ULK4: variants seen among roughly 807,000 people sequenced by gnomAD.
ULK4 encodes inactive serine/threonine-protein kinase ULK4.
ULK4 carries 133 observed loss-of-function variants against 160.6 expected under a neutral mutation model. The ratio of observed to expected loss-of-function variants is 0.83; its 90% CI spans 0.72 to 0.96. ULK4 has a LOEUF of 0.96. ULK4 is among the 40% of genes least tolerant of loss of function. The probability of loss-of-function intolerance (pLI) is 0.00; values close to 1 mark genes in which losing one functional copy is unlikely to be tolerated. For synonymous variants in ULK4, 534 were observed against 539.8 expected, an observed-to-expected ratio of 0.99 and a Z score of 0.15; for missense variants, 1,580 against 1,499.5, an observed-to-expected ratio of 1.05 and a Z score of -0.89.
At chr3:41,940,115 G>A (rs909258511) in intron 2 of ULK4, among the ~76,000 whole-genome samples, 1 of 151,762 alleles carries the variant, frequency 6.6e-6, no homozygotes, top group Non-Finnish European at 1.5e-5. Flanking sequence ...TCCTTCCTCA[G>A]GAAAGGACCC....
At chr3:41,823,767 G>T (rs1160815230) in intron 18 of ULK4, among the ~76,000 whole-genome samples, 1 of 152,130 alleles carries the variant, frequency 6.6e-6, no homozygotes, top group Non-Finnish European at 1.5e-5. Context: ...TAGACTCAGG[G>T]ACTTAACTTC....
intron 21 of ULK4, among the ~76,000 whole-genome samples, chr3:41,765,428 G>A (rs1238247532): frequency 6.6e-6 from 1 of 152,034 alleles, no homozygotes; most frequent in Admixed American, 6.6e-5. Flanking sequence ...GAGTGGGGAG[G>A]GATAGCATTA....
intron 35 of ULK4, among the ~76,000 whole-genome samples, chr3:41,310,834 A>C (rs1412944096): frequency 6.6e-6 from 1 of 151,974 alleles, no homozygotes; most frequent in African/African-American, 2.4e-5. Context: ...CTCTAGAAAA[A>C]ATTTAAAAAT....
intron 32 of ULK4, among the ~76,000 whole-genome samples, chr3:41,528,933 T>C (rs1352631777): frequency 6.6e-6 from 1 of 152,196 alleles, no homozygotes; most frequent in Non-Finnish European, 1.5e-5. Context: ...CCGTGACACA[T>C]GTCTGCCTAT....
At chr3:41,646,187 T>C (rs4973980) in intron 30 of ULK4, among the ~76,000 whole-genome samples, 22,319 of 152,184 alleles carry the variant, frequency 0.15, 1,940 homozygotes, top group South Asian at 0.23. Context: ...ATTTAGTCCA[T>C]TTACATTTAA....
intron 31 of ULK4, among the ~76,000 whole-genome samples, chr3:41,578,525 A>AT (rs2125625474): frequency 6.6e-6 from 1 of 152,302 alleles, no homozygotes; most frequent in South Asian, 2.1e-4. Context: ...GATTCCAGGA[A>AT]TTTTTCATCT....
At chr3:41,848,167 G>A (rs755006955) in intron 17 of ULK4, among the ~76,000 whole-genome samples, 1 of 152,256 alleles carries the variant, frequency 6.6e-6, no homozygotes, top group East Asian at 1.9e-4. Flanking sequence ...TCACTTCCCT[G>A]TTAAGGCCTA....
At chr3:41,727,721 T>C (rs957635586) in intron 22 of ULK4, among the ~76,000 whole-genome samples, 2 of 151,974 alleles carry the variant, frequency 1.3e-5, no homozygotes, top group Non-Finnish European at 2.9e-5. Context: ...AAGAGTGGCA[T>C]GATCTGACAT....
At chr3:41,608,754 T>C (rs1274357764) in intron 31 of ULK4, among the ~76,000 whole-genome samples, 1 of 152,200 alleles carries the variant, frequency 6.6e-6, no homozygotes, top group Non-Finnish European at 1.5e-5. Context: ...TCACTTGCCA[T>C]GGCCAGAATT....
chr3:41,303,989 G>A (rs2079849654), intron 35 of ULK4, among the ~76,000 whole-genome samples: 1 of 152,134 alleles, frequency 6.6e-6, no homozygotes, highest in Non-Finnish European at 1.5e-5. Context: ...ACAGACAACA[G>A]GGCAGGTGTG....
At chr3:41,773,336 C>G (rs1575683365) in intron 21 of ULK4, among the ~76,000 whole-genome samples, 1 of 152,092 alleles carries the variant, frequency 6.6e-6, no homozygotes, top group East Asian at 1.9e-4. Context: ...TGTCTCAGCC[C>G]AAAATATCCT....
At chr3:41,953,305 T>TATATATATA (rs1491089866) in intron 2 of ULK4, among the ~76,000 whole-genome samples, 45 of 91,768 alleles carry the variant, frequency 4.9e-4, no homozygotes, top group East Asian at 4.3e-3. Context: ...TATATATATA[T>TATATATATA]TTTTTTTTTT....
intron 20 of ULK4, among the ~76,000 whole-genome samples, chr3:41,792,476 T>G (rs561267385): frequency 6.6e-6 from 1 of 152,272 alleles, no homozygotes; most frequent in East Asian, 1.9e-4. Flanking sequence ...AAATTAGGAT[T>G]CAATGACTTC....
At chr3:41,525,577 C>T (rs1020864460) in intron 32 of ULK4, among the ~76,000 whole-genome samples, 1 of 152,170 alleles carries the variant, frequency 6.6e-6, no homozygotes, top group African/African-American at 2.4e-5. Context: ...AGCTTTCACT[C>T]CAGATCCCAT....
intron 32 of ULK4, among the ~76,000 whole-genome samples, chr3:41,551,932 A>G (rs574564699): frequency 1.3e-5 from 2 of 152,188 alleles, no homozygotes; most frequent in African/African-American, 4.8e-5. Flanking sequence ...GGTGGGATTT[A>G]TTCCAGGGAC....
chr3:41,655,342 A>T (rs1325954102), intron 30 of ULK4, among the ~76,000 whole-genome samples: 2 of 132,978 alleles, frequency 1.5e-5, no homozygotes, highest in Non-Finnish European at 3.1e-5. Context: ...ACACATGGAC[A>T]CAGGAAGGGG....
intron 17 of ULK4, among the ~76,000 whole-genome samples, chr3:41,850,844 T>C (rs904616779): frequency 6.6e-6 from 1 of 152,224 alleles, no homozygotes; most frequent in African/African-American, 2.4e-5. Flanking sequence ...TGGCTTTTGT[T>C]GCCATTGCTT....
At chr3:41,794,045 T>A (rs2040224080) in intron 20 of ULK4, among the ~76,000 whole-genome samples, 1 of 152,168 alleles carries the variant, frequency 6.6e-6, no homozygotes, top group African/African-American at 2.4e-5. Context: ...GTGCAGTAAG[T>A]CTGGGTTTGG....
intron 20 of ULK4, among the ~76,000 whole-genome samples, chr3:41,791,355 C>G (rs963632472): frequency 6.6e-6 from 1 of 152,156 alleles, no homozygotes; most frequent in Non-Finnish European, 1.5e-5. Context: ...GTCTCGAACT[C>G]CTGACCTCAG....
Sources: allele counts gnomAD v4.1 joint callset (sites outside exome capture counted in the v4.1 genomes callset), GRCh38; gene constraint gnomAD v4.1.1; transcripts MANE v1.5; gene names NCBI Gene and HGNC (gene_info 2026-07-23, HGNC 2026-07-21).